SPATA17: variants seen among roughly 807,000 people sequenced by gnomAD.
The protein encoded by SPATA17 is spermatogenesis-associated protein 17.
SPATA17 carries 53 observed loss-of-function variants against 62.2 expected under a neutral mutation model. The observed-to-expected ratio is 0.85, with a 90% CI of 0.68 to 1.07. SPATA17 has a LOEUF of 1.07. SPATA17 is among the 50% of genes least tolerant of loss of function. SPATA17 has a pLI of 0.00. For synonymous variants in SPATA17, 146 were observed against 146.8 expected (o/e 0.99, Z 0.04); for missense variants, 466 against 425.5 (o/e 1.10, Z -0.84).
At chr1:217,791,072 G>A (rs543630674) in intron 8 of SPATA17, among the ~76,000 whole-genome samples, 1 of 152,152 alleles carries the variant, frequency 6.6e-6, no homozygotes, top group Admixed American at 6.5e-5. Flanking sequence ...ACTTTTATTT[G>A]TAACTCTTCC....
intron 6 of SPATA17, among the ~76,000 whole-genome samples, chr1:217,751,716 T>G (rs993907820): frequency 6.6e-6 from 1 of 152,238 alleles, no homozygotes; most frequent in Non-Finnish European, 1.5e-5. Flanking sequence ...ATTCCTTTTC[T>G]GCTCTTCTCC....
intron 9 of SPATA17, among the ~76,000 whole-genome samples, chr1:217,859,684 G>A (rs377384035): frequency 2.0e-5 from 3 of 152,230 alleles, no homozygotes; most frequent in African/African-American, 2.4e-5. Context: ...TGGATTATAG[G>A]CATGAGTCAC....
intron 9 of SPATA17, among the ~76,000 whole-genome samples, chr1:217,825,323 A>G (rs1410070560): frequency 1.3e-5 from 2 of 151,858 alleles, no homozygotes; most frequent in Non-Finnish European, 2.9e-5. Flanking sequence ...TTCCTAAAAT[A>G]TACAGAACAA....
intron 7 of SPATA17, among the ~76,000 whole-genome samples, chr1:217,776,877 G>A (rs1299645225): frequency 6.6e-6 from 1 of 152,012 alleles, no homozygotes; most frequent in African/African-American, 2.4e-5. Context: ...ATTTCCCTCT[G>A]GGTGAGTGAT....
At chr1:217,636,411 T>C (rs1669941654) in intron 1 of SPATA17, among the ~76,000 whole-genome samples, 1 of 150,670 alleles carries the variant, frequency 6.6e-6, no homozygotes. Context: ...ATTATTGACT[T>C]ATTATTATTA....
At chr1:217,801,536 A>C (rs1157459299) in intron 8 of SPATA17, among the ~76,000 whole-genome samples, 182 bp from the exon 9 acceptor site, 2 of 152,222 alleles carry the variant, frequency 1.3e-5, no homozygotes, top group Non-Finnish European at 2.9e-5. Context: ...AATAGAAAAT[A>C]AAGATTAATA....
intron 9 of SPATA17, among the ~76,000 whole-genome samples, chr1:217,820,357 G>A (rs1571826828): frequency 6.6e-6 from 1 of 152,028 alleles, no homozygotes; most frequent in Admixed American, 6.6e-5. Context: ...GAAGAGACAA[G>A]TTTGTGAGCA....
At chr1:217,723,585 C>A (rs1672191047) in intron 5 of SPATA17, among the ~76,000 whole-genome samples, 2 of 152,280 alleles carry the variant, frequency 1.3e-5, no homozygotes, top group African/African-American at 4.8e-5. Context: ...ATACTCCTAG[C>A]ACCTACCACA....
chr1:217,654,945 T>C (rs879487638), intron 3 of SPATA17, among the ~76,000 whole-genome samples: 2 of 152,084 alleles, frequency 1.3e-5, no homozygotes, highest in Non-Finnish European at 2.9e-5. Flanking sequence ...CTCCTGACCT[T>C]GTGATATGCC....
intron 9 of SPATA17, among the ~76,000 whole-genome samples, chr1:217,852,590 C>T (rs939173261): frequency 7.9e-5 from 12 of 152,134 alleles, no homozygotes; most frequent in Non-Finnish European, 1.3e-4. Flanking sequence ...AGAAAAGGCA[C>T]GCTGTTTCAT....
chr1:217,741,273 T>A (rs1672619720), intron 5 of SPATA17, among the ~76,000 whole-genome samples: 2 of 152,180 alleles, frequency 1.3e-5, no homozygotes. Flanking sequence ...TTTCACATAG[T>A]ATACTTAAAA....
chr1:217,842,301 A>G (rs992699433), intron 9 of SPATA17, among the ~76,000 whole-genome samples: 1 of 152,034 alleles, frequency 6.6e-6, no homozygotes. Flanking sequence ...AAGTTTTAGT[A>G]TCGAGATTAT....
chr1:217,749,248 TTA>T (rs1247587644), intron 6 of SPATA17, among the ~76,000 whole-genome samples: 2 of 152,178 alleles, frequency 1.3e-5, no homozygotes, highest in Non-Finnish European at 2.9e-5. Flanking sequence ...TTTTGTTCCT[TTA>T]TAGTTTCTTA....
intron 5 of SPATA17, among the ~76,000 whole-genome samples, chr1:217,716,549 C>T (rs916192588): frequency 6.6e-6 from 1 of 152,082 alleles, no homozygotes; most frequent in Non-Finnish European, 1.5e-5. Flanking sequence ...TAAAATATTC[C>T]TCTTTAGACA....
intron 9 of SPATA17, among the ~76,000 whole-genome samples, chr1:217,829,022 A>G (rs1317168259): frequency 6.6e-6 from 1 of 152,162 alleles, no homozygotes; most frequent in Non-Finnish European, 1.5e-5. Flanking sequence ...CATTATGGAA[A>G]ACAACACAGA....
At chr1:217,678,205 CTTTTTTT>C (rs974715757) in intron 4 of SPATA17, among the ~76,000 whole-genome samples, 1 of 107,510 alleles carries the variant, frequency 9.3e-6, no homozygotes, top group Non-Finnish European at 2.0e-5. Flanking sequence ...CTTTTCTTTT[CTTTTTTT>C]TTTTTTTTTT....
At chr1:217,656,142 CA>C (rs1433002070) in intron 3 of SPATA17, among the ~76,000 whole-genome samples, 1 of 152,046 alleles carries the variant, frequency 6.6e-6, no homozygotes, top group African/African-American at 2.4e-5. Context: ...CCTTGGCCTC[CA>C]AAAATGCTGG....
chr1:217,842,141 A>T (rs1675421082), intron 9 of SPATA17, among the ~76,000 whole-genome samples: 1 of 151,912 alleles, frequency 6.6e-6, no homozygotes, highest in African/African-American at 2.4e-5. Context: ...TAAATTACTC[A>T]AACTTCTCTT....
At chr1:217,637,191 T>C (rs1366712513) in intron 1 of SPATA17, among the ~76,000 whole-genome samples, 1 of 152,196 alleles carries the variant, frequency 6.6e-6, no homozygotes, top group Non-Finnish European at 1.5e-5. Context: ...ACAAACATTA[T>C]TTTATTTGAT....
Sources: allele counts gnomAD v4.1 joint callset (sites outside exome capture counted in the v4.1 genomes callset), GRCh38; gene constraint gnomAD v4.1.1; transcripts MANE v1.5; gene names NCBI Gene and HGNC (gene_info 2026-07-23, HGNC 2026-07-21).